Variants in ANKRD30B observed in about 807,000 individuals in gnomAD.
ANKRD30B encodes the protein ankyrin repeat domain 30B.
Under a neutral mutation model 202.2 loss-of-function variants are expected in ANKRD30B, and 144 were observed. The ratio of observed to expected loss-of-function variants is 0.71; its 90% CI spans 0.62 to 0.82. The LOEUF (loss-of-function observed/expected upper bound fraction) is 0.82. Ranked by LOEUF, ANKRD30B falls within the 40% of genes least tolerant of loss-of-function variation. ANKRD30B has a pLI of 0.00. For missense variants in ANKRD30B, 1,487 were observed against 1,669.1 expected (o/e 0.89, Z 1.90); for synonymous variants, 508 against 561.3 (o/e 0.91, Z 1.34).
At chr18:14,931,358 C>T in the ANKRD30B span, among the ~76,000 whole-genome samples, 1 of 152,190 alleles carries the variant, frequency 6.6e-6, no homozygotes, top group African/African-American at 2.4e-5. Context: ...TTTTGATCTC[C>T]AGTGATCTGG....
At chr18:14,871,826 A>G in the ANKRD30B span, among the ~76,000 whole-genome samples, 21 of 152,188 alleles carry the variant, frequency 1.4e-4, no homozygotes, top group African/African-American at 4.8e-5. Context: ...GGAGTTGTCA[A>G]TAGAAATCAA....
intron 16 of ANKRD30B, among the ~76,000 whole-genome samples, chr18:14,795,206 T>C (rs1968793299): frequency 6.6e-6 from 1 of 152,230 alleles, no homozygotes; most frequent in Admixed American, 6.5e-5. Context: ...AGGTGTTTTT[T>C]CTTTTGTTGA....
intron 15 of ANKRD30B, 96 bp from the exon 16 acceptor site, chr18:14,791,305 T>C (rs1968487798): frequency 9.9e-7 from 1 of 1,009,858 alleles, no homozygotes; most frequent in Non-Finnish European, 1.5e-6. Flanking sequence ...AACTAGGAAA[T>C]TGTGTTTTTA....
chr18:14,827,555 A>G (rs1177100667), intron 32 of ANKRD30B, among the ~76,000 whole-genome samples: 2 of 152,144 alleles, frequency 1.3e-5, no homozygotes. Flanking sequence ...TTGTTGGTGG[A>G]GAAAATCCTC....
At chr18:14,784,268 A>C in intron 12 of ANKRD30B, 68 bp from the exon 13 acceptor site, 1 of 1,460,878 alleles carries the variant, frequency 6.8e-7, no homozygotes, top group East Asian at 2.3e-5. Context: ...AGATACTATC[A>C]CTGCATTCAC....
Position 14,796,405 on chromosome 18 carries a change from A to T in ANKRD30B, c.1917A>T (p.Thr639=), listed in dbSNP as rs182189211. The T allele has an allele frequency of 2.5e-4, 390 of 1,550,932 alleles. 3 individuals carry two copies. In the African/African-American group the frequency reaches 4.4e-3, roughly 18 times the overall value. The change falls in exon 18 of 44, where the codon ACA becomes ACT. Residue 639 remains threonine (T), a synonymous_variant. Transcript: ENST00000690538. ...NKALELKDRE[T]FKAESPDKDG... Reference sequence around the variant, plus strand: ...CCTTAGAATTAAAGGACAGAGAAACATTCAAAGCAGGTAAATTTTGTAATT... The same window carrying T: ...CCTTAGAATTAAAGGACAGAGAAACTTTCAAAGCAGGTAAATTTTGTAATT...
chr18:14,769,084 G>A (rs1306100033), intron 7 of ANKRD30B, among the ~76,000 whole-genome samples: 1 of 152,174 alleles, frequency 6.6e-6, no homozygotes, highest in Non-Finnish European at 1.5e-5. Context: ...ATAACAAAGT[G>A]TTGGAATATT....
At chr18:14,787,201 C>T (rs1289885333) in intron 15 of ANKRD30B, 101 bp downstream of exon 15, 24 of 1,026,254 alleles carry the variant, frequency 2.3e-5, no homozygotes, top group Non-Finnish European at 3.2e-5. Flanking sequence ...CATATGTCAC[C>T]CCCAAATTAT....
chr18:14,823,937 T>G (rs1568050141), intron 32 of ANKRD30B, among the ~76,000 whole-genome samples: 1 of 152,156 alleles, frequency 6.6e-6, no homozygotes, highest in Non-Finnish European at 1.5e-5. Flanking sequence ...ATCGTGCCAC[T>G]CCAGCCTTGG....
At chr18:14,804,472 A>G (rs1306997704) in intron 24 of ANKRD30B, among the ~76,000 whole-genome samples, 1 of 147,110 alleles carries the variant, frequency 6.8e-6, no homozygotes, top group Non-Finnish European at 1.5e-5. Flanking sequence ...ACCGTCTGAA[A>G]ACCTTGTTAA....
chr18:14,905,559 T>G, the ANKRD30B span: 1 of 152,236 alleles, frequency 6.6e-6, no homozygotes, highest in African/African-American at 2.4e-5. Context: ...ATGAAGCCTC[T>G]AGGTAGTATT....
the ANKRD30B span, among the ~76,000 whole-genome samples, chr18:14,861,058 A>G: frequency 4.0e-3 from 614 of 152,344 alleles, 7 homozygotes; most frequent in African/African-American, 0.014. Flanking sequence ...AAAATAAGGT[A>G]TTTCCAGACA....
At chr18:14,840,716 A>C in intron 37 of ANKRD30B, 38 bp downstream of exon 37, 1 of 1,227,514 alleles carries the variant, frequency 8.1e-7, no homozygotes, top group Middle Eastern at 2.7e-4. Flanking sequence ...CTTTTGTCCA[A>C]ATGTTTGTCT....
At chr18:14,928,615 G>A in the ANKRD30B span, among the ~76,000 whole-genome samples, 1 of 152,124 alleles carries the variant, frequency 6.6e-6, no homozygotes, top group Non-Finnish European at 1.5e-5. Context: ...TGTACCACTG[G>A]TTATTCTGGT....
At chr18:14,752,399 C>T (rs1332285043) in intron 1 of ANKRD30B, among the ~76,000 whole-genome samples, 167 bp from the exon 2 acceptor site, 2 of 152,086 alleles carry the variant, frequency 1.3e-5, no homozygotes, top group Non-Finnish European at 2.9e-5. Context: ...TTCATTAATG[C>T]GGTGAGTAAT....
intron 15 of ANKRD30B, among the ~76,000 whole-genome samples, chr18:14,791,162 T>C (rs1290427944): frequency 6.6e-6 from 1 of 152,134 alleles, no homozygotes; most frequent in African/African-American, 2.4e-5. Context: ...CTTCTAGATT[T>C]TCTAGTTTAT....
the ANKRD30B span, among the ~76,000 whole-genome samples, chr18:14,881,351 T>G: frequency 6.6e-6 from 1 of 152,116 alleles, no homozygotes; most frequent in Non-Finnish European, 1.5e-5. Context: ...ATCGTGTGAG[T>G]TTTTTTAATT....
At chr18:14,897,032 G>A in the ANKRD30B span, among the ~76,000 whole-genome samples, 1 of 151,164 alleles carries the variant, frequency 6.6e-6, no homozygotes, top group African/African-American at 2.4e-5. Flanking sequence ...GGGAGGATGT[G>A]AGGAATAGAT....
At chr18:14,893,730 T>C in the ANKRD30B span, among the ~76,000 whole-genome samples, 1 of 151,988 alleles carries the variant, frequency 6.6e-6, no homozygotes, top group Non-Finnish European at 1.5e-5. Flanking sequence ...TAGTTAACAA[T>C]ATAAGTTAAT....
Sources: gnomAD v4.1 joint callset for allele counts (sites outside exome capture counted in the v4.1 genomes callset) on GRCh38, gnomAD v4.1.1 for gene constraint, MANE v1.5 for transcripts, NCBI Gene and HGNC (gene_info 2026-07-23, HGNC 2026-07-21) for gene names.